The following SORCS2 variants were observed in gnomAD, a reference collection of about 807,000 sequenced individuals.
SORCS2 encodes the protein sortilin related VPS10 domain containing receptor 2.
In SORCS2, 100 loss-of-function variants were observed where a neutral mutation model predicts 141.6. That is an observed-to-expected ratio of 0.71 (90% CI 0.60 to 0.83). SORCS2 has a LOEUF of 0.83. SORCS2 is among the 40% of genes least tolerant of loss of function. The pLI is 0.00. For synonymous variants in SORCS2, 789 were observed against 676.9 expected (o/e 1.17, Z -2.57); for missense variants, 1,646 against 1,560.2 (o/e 1.05, Z -0.93).
At chr4:7,265,448 A>G (rs542985800) in intron 1 of SORCS2, among the ~76,000 whole-genome samples, 1 of 152,104 alleles carries the variant, frequency 6.6e-6, no homozygotes, top group African/African-American at 2.4e-5. Context: ...CCGAGATTGC[A>G]CCACTGCACT....
rs151131914 is a variant in SORCS2 at position 7,221,319 on chromosome 4, C to A, written c.480+28193C>A. On this transcript the variant is annotated intron_variant, in intron 1 of 26. Coordinates refer to ENST00000507866, the MANE Select transcript of SORCS2 (RefSeq NM_020777.3). ...TGCAAACATCCCGGTCCCACCAGAC[C>A]CTGGGCCTACGGGTGGACCCAGTGT... Among the ~76,000 whole-genome samples the A allele has an allele frequency of 5.3e-4, 80 of 152,312 alleles. 1 individual carries two copies. In the East Asian group the frequency reaches 0.015, roughly 29 times the overall value.
rs568278014 is a variant in SORCS2, at chr4:7,591,661, G to A, written c.649-46667G>A. Reference sequence around the variant, plus strand: ...TGAATTCCGGCTCACGAGGATTAACGATGACGAGGGGGGTGTTAGCTCTGA... The same window carrying A: ...TGAATTCCGGCTCACGAGGATTAACAATGACGAGGGGGGTGTTAGCTCTGA... On this transcript the variant is annotated intron_variant, in intron 3 of 26. Coordinates refer to ENST00000507866, the MANE Select transcript of SORCS2 (RefSeq NM_020777.3). 4.6e-5 allele frequency among the ~76,000 whole-genome samples: 7 copies of A among 152,312 alleles called. No homozygotes were observed. In the East Asian group the frequency reaches 9.7e-4, roughly 21 times the overall value.
At chr4:7,557,526 A>T (rs1479891703) in intron 3 of SORCS2, among the ~76,000 whole-genome samples, 2 of 152,258 alleles carry the variant, frequency 1.3e-5, no homozygotes, top group Admixed American at 1.3e-4. Context: ...GTAGATAGAG[A>T]TGAATAACCA....
At chr4:7,611,121 C>A (rs1434516527) in intron 3 of SORCS2, among the ~76,000 whole-genome samples, 1 of 152,206 alleles carries the variant, frequency 6.6e-6, no homozygotes, top group African/African-American at 2.4e-5. Context: ...ACTGCAGCTA[C>A]TGAGGCTGTG....
intron 1 of SORCS2, among the ~76,000 whole-genome samples, chr4:7,291,268 G>C (rs1577360880): frequency 6.6e-6 from 1 of 152,154 alleles, no homozygotes; most frequent in Non-Finnish European, 1.5e-5. Flanking sequence ...CCAGGAGAGG[G>C]TTTAAAAGCA....
intron 19 of SORCS2, among the ~76,000 whole-genome samples, chr4:7,724,248 C>T (rs78501050): frequency 0.13 from 16,824 of 128,038 alleles, 1,009 homozygotes; most frequent in East Asian, 0.15. Context: ...ATGATGGTGA[C>T]GTTGGTGTTG....
intron 2 of SORCS2, among the ~76,000 whole-genome samples, chr4:7,445,291 C>G (rs1226181396): frequency 6.6e-6 from 1 of 151,912 alleles, no homozygotes; most frequent in Admixed American, 6.6e-5. Context: ...CAGGCTCTGG[C>G]TGGTGTTTGA....
intron 2 of SORCS2, among the ~76,000 whole-genome samples, chr4:7,531,244 G>A (rs1711613201): frequency 6.6e-6 from 1 of 152,210 alleles, no homozygotes; most frequent in Non-Finnish European, 1.5e-5. Flanking sequence ...AGGCATGGGG[G>A]AGGAATGACT....
intron 18 of SORCS2, among the ~76,000 whole-genome samples, chr4:7,719,520 G>C (rs532631316): frequency 6.6e-6 from 1 of 152,290 alleles, no homozygotes; most frequent in South Asian, 2.1e-4. Flanking sequence ...ACTGAGTCTG[G>C]GGCCCCTAGA....
In SORCS2 at chr4:7,725,284, G is replaced by A. The variant is rs750401373; in HGVS notation, c.2742G>A (p.Leu914=). 2 of 1,612,486 alleles carry A rather than the reference G, an allele frequency of 1.2e-6. No homozygotes were observed. The highest frequency in any genetic ancestry group is 1.3e-5 in the African/African-American group (1 of 74,912). The change falls in exon 20 of 27, where the codon CTG becomes CTA. Residue 914 remains leucine, a synonymous_variant. Transcript: ENST00000507866. Reference sequence around the variant, plus strand: ...TCTACTGGTGGATCGGCCACAGCCTGCAGGTGCGCTGGCTTTGCCCCAACT... The same window carrying A: ...TCTACTGGTGGATCGGCCACAGCCTACAGGTGCGCTGGCTTTGCCCCAACT... The part of the protein sequence containing the change: ...TVFYWWIGHS[L]QPLLSLDNSV...
chr4:7,575,566 A>G (rs1715694723), intron 3 of SORCS2, among the ~76,000 whole-genome samples: 1 of 152,242 alleles, frequency 6.6e-6, no homozygotes, highest in African/African-American at 2.4e-5. Flanking sequence ...TGTTCCAAAG[A>G]CACTTAAGTT....
At chr4:7,451,466 C>T (rs1728462567) in intron 2 of SORCS2, among the ~76,000 whole-genome samples, 1 of 152,252 alleles carries the variant, frequency 6.6e-6, no homozygotes. Flanking sequence ...CTTTGTCAGC[C>T]CAGTGCTGGG....
intron 3 of SORCS2, among the ~76,000 whole-genome samples, chr4:7,594,461 C>G (rs896461036): frequency 1.3e-5 from 2 of 152,204 alleles, no homozygotes; most frequent in African/African-American, 4.8e-5. Flanking sequence ...TGGCTGGAAG[C>G]CCCGGGTGGG....
chr4:7,219,638 T>C (rs923658949), intron 1 of SORCS2, among the ~76,000 whole-genome samples: 2 of 151,982 alleles, frequency 1.3e-5, no homozygotes, highest in African/African-American at 4.8e-5. Flanking sequence ...AACCATCAGA[T>C]CTCGTGAGAA....
At chr4:7,607,964 T>C (rs574909613) in intron 3 of SORCS2, among the ~76,000 whole-genome samples, 1 of 152,010 alleles carries the variant, frequency 6.6e-6, no homozygotes, top group Non-Finnish European at 1.5e-5. Context: ...TGGTTTGGGC[T>C]CTCGCAGAAG....
At chr4:7,734,788 C>T (rs1018896679) in intron 25 of SORCS2, among the ~76,000 whole-genome samples, 3 of 152,212 alleles carry the variant, frequency 2.0e-5, no homozygotes, top group African/African-American at 7.2e-5. Context: ...CCGCCCACAT[C>T]CCAGGGTTCC....
At chr4:7,386,602 G>A (rs575626263) in intron 1 of SORCS2, among the ~76,000 whole-genome samples, 3,197 of 136,014 alleles carry the variant, frequency 0.024, 50 homozygotes, top group African/African-American at 0.056. Flanking sequence ...TTGCACACAC[G>A]CACACATATG....
At chr4:7,204,918 T>C (rs1727655053) in intron 1 of SORCS2, among the ~76,000 whole-genome samples, 1 of 152,206 alleles carries the variant, frequency 6.6e-6, no homozygotes. Flanking sequence ...AGGGTAACCG[T>C]TTGCCTTCCA....
intron 3 of SORCS2, among the ~76,000 whole-genome samples, chr4:7,539,367 G>A (rs891922758): frequency 2.2e-4 from 34 of 152,320 alleles, no homozygotes; most frequent in African/African-American, 7.7e-4. Context: ...ACAGGACTGT[G>A]CCATTCAGGC....
Sources: allele counts gnomAD v4.1 joint callset (sites outside exome capture counted in the v4.1 genomes callset), GRCh38; gene constraint gnomAD v4.1.1; transcripts MANE v1.5; gene names NCBI Gene and HGNC (gene_info 2026-07-23, HGNC 2026-07-21).